The following GDPD5 variants were observed in gnomAD, a reference collection of about 807,000 sequenced individuals.
GDPD5 encodes glycerophosphodiester phosphodiesterase domain containing 5.
GDPD5 carries 48 observed loss-of-function variants against 75.1 expected under a neutral mutation model. The ratio of observed to expected loss-of-function variants is 0.64; its 90% CI spans 0.51 to 0.81. The LOEUF (loss-of-function observed/expected upper bound fraction) is 0.81, where lower values mean the gene tolerates loss of function less well. Among genes scored for constraint, GDPD5 ranks in the 40% least tolerant of loss-of-function variants. The probability of loss-of-function intolerance (pLI) is 0.00; values close to 1 mark genes in which losing one functional copy is unlikely to be tolerated. For synonymous variants in GDPD5, 336 were observed against 339.0 expected, an observed-to-expected ratio of 0.99 and a Z score of 0.10; for missense variants, 706 against 822.6, an observed-to-expected ratio of 0.86 and a Z score of 1.73.
chr11:75,475,440 G>A (rs903973802), intron 3 of GDPD5, among the ~76,000 whole-genome samples: 1 of 152,238 alleles, frequency 6.6e-6, no homozygotes, highest in Non-Finnish European at 1.5e-5. Flanking sequence ...AATTTCTGGA[G>A]CCCCTACCCT....
chr11:75,459,361 G>A (rs1281375909), intron 4 of GDPD5, among the ~76,000 whole-genome samples: 1 of 146,436 alleles, frequency 6.8e-6, no homozygotes, highest in Non-Finnish European at 1.5e-5. Context: ...TTGAGACAGG[G>A]TCTTGCTATG....
chr11:75,455,584 A>G (rs1351950915), intron 6 of GDPD5, among the ~76,000 whole-genome samples: 1 of 152,192 alleles, frequency 6.6e-6, no homozygotes, highest in African/African-American at 2.4e-5. Flanking sequence ...TCTTCTAGCT[A>G]GAAGTGAGCC....
At chr11:75,441,954 C>T in intron 12 of GDPD5, 151 bp from the exon 13 acceptor site, 1 of 812,862 alleles carries the variant, frequency 1.2e-6, no homozygotes, top group Non-Finnish European at 1.9e-6. Context: ...GACTCAGTCC[C>T]AGCCAAGGCT....
At chr11:75,439,426 G>C in intron 15 of GDPD5, 1 of 449,692 alleles carries the variant, frequency 2.2e-6, no homozygotes, top group South Asian at 1.6e-5. Flanking sequence ...ATCAGAGCAG[G>C]ATGGGACAGA....
chr11:75,488,952 T>A (rs1480977738), intron 2 of GDPD5, among the ~76,000 whole-genome samples: 3 of 152,174 alleles, frequency 2.0e-5, no homozygotes, highest in Non-Finnish European at 1.5e-5. Context: ...GGCCCTGTCC[T>A]TGCTAGAAGA....
At chr11:75,481,209 C>T (rs929111582) in intron 2 of GDPD5, among the ~76,000 whole-genome samples, 3 of 152,194 alleles carry the variant, frequency 2.0e-5, no homozygotes, top group Non-Finnish European at 2.9e-5. Flanking sequence ...TGCCACTCTC[C>T]AAGGCCCCAG....
rs1592044467 is a variant in GDPD5, at chr11:75,435,362, A to G, written c.*145T>C. The G allele has an allele frequency of 1.5e-6, 1 of 679,208 alleles. No homozygotes were observed. The highest frequency in any genetic ancestry group is 2.8e-5 in the East Asian group (1 of 35,818). 42.1% of individuals were successfully genotyped at this position (679,208 alleles called of 1,614,324 possible). A position where few individuals can be genotyped will look rare whatever the true frequency, so the allele number is the denominator to read the frequency against. ...GGAGACAGGGAGTCCCCCTCAAGAG[A>G]GGCTGCGGCTGACAAGGGGCTGGAG... On this transcript the variant is annotated 3_prime_UTR_variant, in exon 17 of 17. Transcript: ENST00000336898.
At chr11:75,443,058 C>T in intron 11 of GDPD5, 78 bp downstream of exon 11, 4 of 1,514,444 alleles carry the variant, frequency 2.6e-6, no homozygotes, top group Non-Finnish European at 3.6e-6. Context: ...AAGCTGATGG[C>T]CACCCTTGCA....
At chr11:75,469,060 C>T (rs1949595820) in intron 3 of GDPD5, among the ~76,000 whole-genome samples, 1 of 152,054 alleles carries the variant, frequency 6.6e-6, no homozygotes, top group African/African-American at 2.4e-5. Flanking sequence ...AGACAGTGAT[C>T]AAACCTTTCC....
intron 1 of GDPD5, chr11:75,509,023 G>T (rs1950460798): frequency 6.6e-6 from 1 of 152,286 alleles, no homozygotes. Context: ...GACAGCTCCT[G>T]GCATGAACAG....
At chr11:75,495,628 T>C (rs1014581413) in intron 1 of GDPD5, among the ~76,000 whole-genome samples, 1 of 152,194 alleles carries the variant, frequency 6.6e-6, no homozygotes, top group African/African-American at 2.4e-5. Flanking sequence ...ATGTACACAA[T>C]GTACGTATTT....
At chr11:75,453,515 G>A (rs866365288) in intron 6 of GDPD5, among the ~76,000 whole-genome samples, 2 of 152,052 alleles carry the variant, frequency 1.3e-5, no homozygotes. Flanking sequence ...CTACTCGGGA[G>A]GCTGAGGCAG....
At chr11:75,461,013 C>T (rs1949399380) in intron 4 of GDPD5, among the ~76,000 whole-genome samples, 1 of 152,128 alleles carries the variant, frequency 6.6e-6, no homozygotes, top group Non-Finnish European at 1.5e-5. Flanking sequence ...GGTCCCAGAT[C>T]TGTCTGCTTC....
intron 2 of GDPD5, among the ~76,000 whole-genome samples, chr11:75,480,365 C>CTTTTGT (rs1017124815): frequency 1.3e-5 from 2 of 151,540 alleles, no homozygotes; most frequent in Non-Finnish European, 2.9e-5. Flanking sequence ...CATATGGTAA[C>CTTTTGT]TTTTGTTTTT....
intron 3 of GDPD5, among the ~76,000 whole-genome samples, chr11:75,468,269 A>T (rs1487283684): frequency 3.3e-5 from 5 of 152,210 alleles, no homozygotes; most frequent in African/African-American, 4.8e-5. Flanking sequence ...AATGTTACAG[A>T]ATTTCAGAAT....
Position 75,441,733 on chromosome 11 carries a change from C to G in GDPD5, c.1238G>C (p.Gly413Ala). 1 of 1,611,812 alleles carries G rather than the reference C, an allele frequency of 6.2e-7. No individual in the cohort carries two copies. Among genetic ancestry groups the G allele is most frequent in the Non-Finnish European group, 8.5e-7 (1 of 1,179,888 alleles). ...KVAPGFQQTS[G>A]SKEAVASLRR... ...CAGGCTGGCGACTGCCTCCTTGGAG[C>G]CTGATGTCTGTTGGAAGCCGGGAGC... Residue 413 changes from glycine (G) to alanine (A), a missense_variant, in exon 13 of 17, where the codon GGC becomes GCC. By Grantham distance (60) the Gly-to-Ala change is moderately conservative. Transcript: ENST00000336898.
intron 16 of GDPD5, 92 bp from the exon 17 acceptor site, chr11:75,435,747 C>T (rs1042339550): frequency 1.6e-5 from 22 of 1,338,162 alleles, no homozygotes; most frequent in Admixed American, 2.1e-5. Flanking sequence ...CACCACCCAG[C>T]GGGGCACTTG....
Position 75,449,580 on chromosome 11 carries a change from C to T in GDPD5, c.505G>A (p.Val169Met), listed in dbSNP as rs1949080882. ...CAGGAGAGCATGGTGACTGCTGCCA[C>T]AGCCCCCACATGCAGGAATGGCGCT... ...GTAPFLHVGA[V>M]AAVTMLSWIV... The change falls in exon 8 of 17, where the codon GTG becomes ATG. Residue 169 changes from valine to methionine, a missense_variant. By Grantham distance (21) the Val-to-Met change is conservative. Coordinates refer to ENST00000336898, the MANE Select transcript of GDPD5 (RefSeq NM_030792.8). 9 of 1,588,054 alleles carry T rather than the reference C, an allele frequency of 5.7e-6. No individual in the cohort carries two copies. Among genetic ancestry groups the T allele is most frequent in the Non-Finnish European group, 7.7e-6 (9 of 1,167,412 alleles).
intron 6 of GDPD5, chr11:75,452,464 G>A (rs1335322356): frequency 6.6e-6 from 1 of 152,244 alleles, no homozygotes; most frequent in Non-Finnish European, 1.5e-5. Context: ...TTTAAAAAGT[G>A]AGCATGATAT....
Sources: gnomAD v4.1 joint callset for allele counts (sites outside exome capture counted in the v4.1 genomes callset) on GRCh38, gnomAD v4.1.1 for gene constraint, MANE v1.5 for transcripts, NCBI Gene and HGNC (gene_info 2026-07-23, HGNC 2026-07-21) for gene names.